The following LINGO1 variants were observed in gnomAD, a reference collection of about 807,000 sequenced individuals.
The protein encoded by LINGO1 is leucine-rich repeat and immunoglobulin-like domain-containing nogo receptor-interacting protein 1.
In LINGO1, 11 loss-of-function variants were observed where a neutral mutation model predicts 37.3. That is an observed-to-expected ratio of 0.29 (90% CI 0.19 to 0.49). LINGO1 has a LOEUF of 0.49. LINGO1 is among the 20% of genes least tolerant of loss of function. The probability of loss-of-function intolerance (pLI) is 0.99; values close to 1 mark genes in which losing one functional copy is unlikely to be tolerated. For synonymous variants in LINGO1, 387 were observed against 403.0 expected (o/e 0.96, Z 0.48); for missense variants, 585 against 878.2 (o/e 0.67, Z 4.22).
At chr15:77,664,130 AGTGTGTGTGTGTGT>A (rs774494605) in intron 3 of LINGO1, among the ~76,000 whole-genome samples, 17 of 130,370 alleles carry the variant, frequency 1.3e-4, no homozygotes, top group East Asian at 6.7e-4. Context: ...ACACAGGAGC[AGTGTGTGTGTGTGT>A]GTGTGTGTGT....
At position 77,632,305 on chromosome 15, in the gene LINGO1, C is replaced by T. The variant is rs2074279697; in HGVS notation, c.6+5G>A. On this transcript the variant is annotated splice_donor_5th_base_variant and intron_variant, in intron 1 of 1. Coordinates refer to ENST00000355300, the MANE Select transcript of LINGO1 (RefSeq NM_032808.7). This position sits in a 1 kb window ranked among gnomAD's most constrained non-coding sequence, Gnocchi z 6.0. ...TCGGGGCTCGGCCGCGGCCGCCTGG[C>T]TCACCTGCATCTCGGGCGCGCCTTC... The T allele has an allele frequency of 1.4e-6, 2 of 1,439,130 alleles. No homozygotes were observed. The highest frequency in any genetic ancestry group is 1.5e-5 in the African/African-American group (1 of 67,668). The allele number at this position is 1,439,130 out of a possible 1,614,324, so 89.1% of individuals were successfully genotyped here.
At chr15:77,738,752 G>GAAGGAGGC (rs1265893074) in intron 1 of LINGO1, among the ~76,000 whole-genome samples, 1 of 60,590 alleles carries the variant, frequency 1.7e-5, no homozygotes, top group African/African-American at 6.7e-5. Flanking sequence ...TTTGCTGAAG[G>GAAGGAGGC]AAGGAAGGAA....
intron 2 of LINGO1, among the ~76,000 whole-genome samples, chr15:77,723,611 T>A (rs2076073007): frequency 6.6e-6 from 1 of 151,956 alleles, no homozygotes; most frequent in South Asian, 2.1e-4. Context: ...AACAAGTGAG[T>A]GCACAGCCAA....
Position 77,614,627 on chromosome 15 carries a change from C to A in LINGO1, c.1280G>T (p.Arg427Leu), listed in dbSNP as rs766890349. The A allele has an allele frequency of 6.2e-7, 1 of 1,611,448 alleles. No individual in the cohort carries two copies. The change falls in exon 2 of 2, where the codon CGG (arginine) becomes CTG (leucine). Residue 427 changes from arginine to leucine, a missense_variant. This residue lies in a region of LINGO1 where 484 missense variants were observed against 735.0 expected (regional missense o/e 0.66). Coordinates refer to ENST00000355300, the MANE Select transcript of LINGO1 (RefSeq NM_032808.7). ...AAACACCTGCTGGGCCTTGCGGTCC[C>A]GGATGCGGGCGCGGCGGCAGGTGAA... ...NYFTCRRARI[R>L]DRKAQQVFVD...
chr15:77,732,704 G>A (rs910107815), intron 2 of LINGO1, among the ~76,000 whole-genome samples: 18 of 152,232 alleles, frequency 1.2e-4, no homozygotes, highest in African/African-American at 4.1e-4. Context: ...AGCCCTGCCT[G>A]CACACAGAGC....
chr15:77,702,161 T>C (rs552789077), intron 2 of LINGO1, among the ~76,000 whole-genome samples: 11 of 152,280 alleles, frequency 7.2e-5, no homozygotes, highest in Middle Eastern at 3.4e-3. Context: ...ACTAGGAATA[T>C]TGGCAGTGGA....
intron 1 of LINGO1, among the ~76,000 whole-genome samples, chr15:77,804,374 C>A (rs771779047): frequency 5.3e-5 from 8 of 152,168 alleles, no homozygotes; most frequent in Admixed American, 2.0e-4. Context: ...GGCCCCGGGT[C>A]CCAAGCCAAG....
intron 1 of LINGO1, among the ~76,000 whole-genome samples, chr15:77,623,974 CTG>C (rs377105591): frequency 2.4e-4 from 33 of 139,092 alleles, no homozygotes; most frequent in African/African-American, 7.3e-4. Flanking sequence ...TGTGTGTGGC[CTG>C]TGTGTGTGTG....
chr15:77,745,123 CT>C (rs2076301027), intron 1 of LINGO1, among the ~76,000 whole-genome samples: 1 of 108,310 alleles, frequency 9.2e-6, no homozygotes. Flanking sequence ...AAGACTCTGT[CT>C]TAAAAAAAAA....
At chr15:77,721,868 C>T (rs993436961) in intron 2 of LINGO1, among the ~76,000 whole-genome samples, 2 of 151,880 alleles carry the variant, frequency 1.3e-5, no homozygotes, top group South Asian at 2.1e-4. Flanking sequence ...ACTTCCCCTG[C>T]CCCCTAATTA....
At chr15:77,754,405 G>A (rs530363087) in intron 1 of LINGO1, among the ~76,000 whole-genome samples, 85 of 152,302 alleles carry the variant, frequency 5.6e-4, no homozygotes, top group African/African-American at 1.8e-3. Flanking sequence ...CCCAGCCACC[G>A]TCCGCTTCTG....
intron 3 of LINGO1, among the ~76,000 whole-genome samples, chr15:77,654,279 G>A (rs1303820013): frequency 1.3e-5 from 2 of 152,318 alleles, no homozygotes; most frequent in African/African-American, 4.8e-5. Flanking sequence ...GTTTGTTACT[G>A]CAGCAAAACC....
intron 1 of LINGO1, among the ~76,000 whole-genome samples, chr15:77,737,463 G>A (rs2076214491): frequency 6.6e-6 from 1 of 152,076 alleles, no homozygotes; most frequent in South Asian, 2.1e-4. Context: ...GGGGAGGAAG[G>A]AGGGAGAGGA....
At chr15:77,715,849 G>C in intron 2 of LINGO1, among the ~76,000 whole-genome samples, 1 of 152,200 alleles carries the variant, frequency 6.6e-6, no homozygotes, top group East Asian at 1.9e-4. Flanking sequence ...CTCCAGGAAG[G>C]TGTCCCTGGC....
chr15:77,702,816 G>C (rs1269927071), intron 2 of LINGO1, among the ~76,000 whole-genome samples: 1 of 152,204 alleles, frequency 6.6e-6, no homozygotes, highest in Non-Finnish European at 1.5e-5. Flanking sequence ...AGCAGCTTCA[G>C]CGGCATGGCT....
At chr15:77,804,404 G>GA (rs1338753822) in intron 1 of LINGO1, among the ~76,000 whole-genome samples, 1 of 152,170 alleles carries the variant, frequency 6.6e-6, no homozygotes, top group African/African-American at 2.4e-5. Flanking sequence ...TGAGTCCCTA[G>GA]AAGTAGATGG....
At chr15:77,665,536 G>A (rs1320663228) in intron 3 of LINGO1, among the ~76,000 whole-genome samples, 2 of 152,196 alleles carry the variant, frequency 1.3e-5, no homozygotes, top group Non-Finnish European at 2.9e-5. Context: ...GCACAGATGA[G>A]TGCAACCATA....
intron 1 of LINGO1, among the ~76,000 whole-genome samples, chr15:77,783,958 C>T (rs1414344574): frequency 6.6e-6 from 1 of 152,248 alleles, no homozygotes; most frequent in Non-Finnish European, 1.5e-5. Flanking sequence ...CGCCTTTCCT[C>T]CAGGTTTGGC....
At chr15:77,699,524 CCCCA>C (rs2075744901), upstream of LINGO1, among the ~76,000 whole-genome samples, 2 of 1,328 alleles carry the variant, frequency 1.5e-3, no homozygotes, top group Non-Finnish European at 3.4e-3. Flanking sequence ...ATACTATTAT[CCCCA>C]CACACAGTAA....
Sources: allele counts gnomAD v4.1 joint callset (sites outside exome capture counted in the v4.1 genomes callset), GRCh38; gene constraint gnomAD v4.1.1; regional missense constraint gnomAD v4.1.1; non-coding constraint Gnocchi (gnomAD v3.1); transcripts MANE v1.5; gene names NCBI Gene and HGNC (gene_info 2026-07-23, HGNC 2026-07-21).